Variants in EDA observed in about 807,000 individuals in gnomAD.
EDA encodes the protein ectodysplasin A.
Under a neutral mutation model 23.6 loss-of-function variants are expected in EDA, and 2 were observed. The observed-to-expected ratio is 0.08, with a 90% CI of 0.03 to 0.27. EDA has a LOEUF of 0.27. Ranked by LOEUF, EDA falls within the 10% of genes least tolerant of loss-of-function variation. EDA has a pLI of 1.00. For synonymous variants in EDA, 131 were observed against 132.0 expected, an observed-to-expected ratio of 0.99 and a Z score of 0.05; for missense variants, 229 against 324.2, an observed-to-expected ratio of 0.71 and a Z score of 2.26.
At chrX:69,745,165 C>T (rs1171274976) in intron 1 of EDA, among the ~76,000 whole-genome samples, 2 of 111,736 alleles carry the variant, frequency 1.8e-5, no homozygotes, top group South Asian at 3.8e-4. Flanking sequence ...TACTAATTAA[C>T]ATATCCAGTT....
chrX:69,753,148 A>T (rs2013959805), intron 1 of EDA, among the ~76,000 whole-genome samples: 1 of 110,581 alleles, frequency 9.0e-6, no homozygotes, highest in African/African-American at 3.3e-5. Context: ...TTGCTTCTCT[A>T]GTTCTTTTAA....
intron 1 of EDA, among the ~76,000 whole-genome samples, chrX:69,672,119 C>T (rs1933917223): frequency 9.0e-6 from 1 of 111,648 alleles, no homozygotes; most frequent in Non-Finnish European, 1.9e-5. Context: ...TTCCTGACTA[C>T]TGCTTGTTCA....
intron 1 of EDA, among the ~76,000 whole-genome samples, chrX:69,889,859 A>G (rs2017896534): frequency 9.0e-6 from 1 of 111,538 alleles, no homozygotes; most frequent in African/African-American, 3.3e-5. Context: ...TTCATTTTCT[A>G]ATCCAAGGTC....
At chrX:70,003,571 G>C (rs1225306154) in intron 2 of EDA, among the ~76,000 whole-genome samples, 1 of 111,621 alleles carries the variant, frequency 9.0e-6, no homozygotes. Flanking sequence ...TATTATTATA[G>C]AACTAGAATT....
intron 1 of EDA, among the ~76,000 whole-genome samples, chrX:69,656,667 T>C (rs954877930): frequency 9.0e-6 from 1 of 111,253 alleles, no homozygotes; most frequent in African/African-American, 3.3e-5. Flanking sequence ...CAGCATTCAG[T>C]AGTCCCCAGT....
At chrX:69,737,804 G>GATT (rs752879725) in intron 1 of EDA, among the ~76,000 whole-genome samples, 1 of 111,187 alleles carries the variant, frequency 9.0e-6, no homozygotes, top group Non-Finnish European at 1.9e-5. Context: ...TCTTTTTAAA[G>GATT]AGTTCAGCTT....
intron 1 of EDA, among the ~76,000 whole-genome samples, chrX:69,885,194 A>G: frequency 8.9e-6 from 1 of 112,206 alleles, no homozygotes; most frequent in East Asian, 2.8e-4. Flanking sequence ...GTGGTAAAAT[A>G]TAAATAACAT....
chrX:69,957,144 C>T lies in EDA; in HGVS notation c.502+12C>T. The stretch of plus-strand genomic sequence containing the variant: ...TGAAGGAGCAGATGGTAAGTCTACT[C>T]AGTTGATCCTTTATCACTTCTGAAT... On this transcript the variant is annotated intron_variant, in intron 2 of 7. Coordinates refer to ENST00000374552, the MANE Select transcript of EDA (RefSeq NM_001399.5). The T allele has an allele frequency of 8.5e-7, 1 of 1,173,663 alleles. No individual in the cohort carries two copies.
At chrX:69,728,858 A>G (rs1331291044) in intron 1 of EDA, among the ~76,000 whole-genome samples, 1 of 111,660 alleles carries the variant, frequency 9.0e-6, no homozygotes, top group East Asian at 2.8e-4. Context: ...TTCCCCCATA[A>G]ATAATGAATG....
chrX:69,822,887 C>A (rs969285306), intron 1 of EDA, among the ~76,000 whole-genome samples: 1 of 93,015 alleles, frequency 1.1e-5, no homozygotes, highest in African/African-American at 4.0e-5. Flanking sequence ...TGATGTTCCC[C>A]TTCCTGTGTC....
At chrX:69,735,825 G>C (rs2013232447) in intron 1 of EDA, among the ~76,000 whole-genome samples, 1 of 111,552 alleles carries the variant, frequency 9.0e-6, no homozygotes, top group African/African-American at 3.3e-5. Context: ...GGGCAAAGCT[G>C]CTGGAAAAAA....
At chrX:69,948,977 C>G (rs1410038417) in intron 1 of EDA, among the ~76,000 whole-genome samples, 1 of 111,756 alleles carries the variant, frequency 8.9e-6, no homozygotes, top group Admixed American at 9.5e-5. Flanking sequence ...TGCCAGGATG[C>G]TTATATCTTG....
At chrX:69,737,706 G>A (rs2013314707) in intron 1 of EDA, among the ~76,000 whole-genome samples, 1 of 112,101 alleles carries the variant, frequency 8.9e-6, no homozygotes, top group Non-Finnish European at 1.9e-5. Context: ...TGGTATCATT[G>A]TCTTTCTGCC....
chrX:69,693,873 A>G (rs151245769), intron 1 of EDA, among the ~76,000 whole-genome samples: 1,162 of 111,974 alleles, frequency 0.01, 16 homozygotes, highest in Non-Finnish European at 8.1e-3. Flanking sequence ...CAATCGGAGA[A>G]TATAGACTAT....
intron 3 of EDA, among the ~76,000 whole-genome samples, chrX:70,024,380 A>G (rs2020081103): frequency 1.8e-5 from 2 of 112,603 alleles, no homozygotes; most frequent in South Asian, 7.3e-4. Flanking sequence ...GAACTGAGCA[A>G]GGCTGGAAAA....
At chrX:69,638,439 A>C (rs1932802432) in intron 1 of EDA, among the ~76,000 whole-genome samples, 1 of 112,037 alleles carries the variant, frequency 8.9e-6, no homozygotes, top group African/African-American at 3.2e-5. Context: ...CCTAATAATC[A>C]TTTACAGTCC....
chrX:69,888,999 T>G (rs1476199449), intron 1 of EDA, among the ~76,000 whole-genome samples: 1 of 67,319 alleles, frequency 1.5e-5, no homozygotes, highest in Non-Finnish European at 2.8e-5. Flanking sequence ...TATATATATA[T>G]ATATATATAT....
chrX:69,940,221 C>A (rs1057255145), intron 1 of EDA, among the ~76,000 whole-genome samples: 34 of 110,886 alleles, frequency 3.1e-4, no homozygotes, highest in African/African-American at 1.1e-3. Context: ...GGGTCCCAGG[C>A]TTTTCTTTGC....
chrX:69,717,337 T>C (rs771168021), intron 1 of EDA, among the ~76,000 whole-genome samples: 7 of 111,307 alleles, frequency 6.3e-5, no homozygotes, highest in Non-Finnish European at 1.3e-4. Context: ...TTGTTAGGTA[T>C]CTACCTAAGT....
Sources: allele counts gnomAD v4.1 joint callset (sites outside exome capture counted in the v4.1 genomes callset), GRCh38; gene constraint gnomAD v4.1.1; transcripts MANE v1.5; gene names NCBI Gene and HGNC (gene_info 2026-07-23, HGNC 2026-07-21).